The following VCL variants were observed in gnomAD, a reference collection of about 807,000 sequenced individuals.
VCL encodes epididymis luminal protein 114.
Under a neutral mutation model 125.7 loss-of-function variants are expected in VCL, and 47 were observed. That is an observed-to-expected ratio of 0.37 (90% CI 0.30 to 0.48). VCL has a LOEUF of 0.48. Among genes scored for constraint, VCL ranks in the 20% least tolerant of loss-of-function variants. The probability of loss-of-function intolerance (pLI) is 0.99; values close to 1 mark genes in which losing one functional copy is unlikely to be tolerated. For synonymous variants in VCL, 458 were observed against 514.6 expected (o/e 0.89, Z 1.49); for missense variants, 1,069 against 1,455.5 (o/e 0.73, Z 4.32).
At position 74,097,616 on chromosome 10, in the gene VCL, A is replaced by G. The variant is rs1014728799; in HGVS notation, c.1872+284A>G. 4.6e-5 allele frequency among the ~76,000 whole-genome samples: 7 copies of G among 152,180 alleles called. No homozygotes were observed. Among genetic ancestry groups the G allele is most frequent in the African/African-American group, 1.7e-4 (7 of 41,446 alleles). On this transcript the variant is annotated intron_variant, in intron 13 of 21. Transcript: ENST00000211998. The surrounding 1 kb of genome is among the most constrained non-coding windows in gnomAD (Gnocchi z 4.1). ...AAACATGGAAGTAGGTGGCTTTGGCATTGGTTCAGCAGCTAAATATCATGA... is the reference window on the plus strand; with the variant it reads ...AAACATGGAAGTAGGTGGCTTTGGCGTTGGTTCAGCAGCTAAATATCATGA...
chr10:74,044,175 C>A (rs551416979), intron 2 of VCL, among the ~76,000 whole-genome samples: 27 of 152,112 alleles, frequency 1.8e-4, no homozygotes, highest in African/African-American at 6.0e-4. Context: ...ATTTATATAT[C>A]TCCTAGTATT....
chr10:74,012,690 G>C (rs559115380), intron 1 of VCL, among the ~76,000 whole-genome samples: 9 of 152,258 alleles, frequency 5.9e-5, no homozygotes, highest in African/African-American at 2.2e-4. Context: ...CACCTAGTTA[G>C]GAAGAGACCT....
intron 6 of VCL, 95 bp from the exon 7 acceptor site, chr10:74,082,359 T>C: frequency 1.5e-6 from 2 of 1,318,530 alleles, no homozygotes; most frequent in South Asian, 1.2e-5. Flanking sequence ...ACCTTAGCTA[T>C]GTATGTTAAT....
chr10:74,018,587 G>A (rs1840604177), intron 1 of VCL, among the ~76,000 whole-genome samples: 1 of 152,256 alleles, frequency 6.6e-6, no homozygotes, highest in African/African-American at 2.4e-5. Flanking sequence ...AGATACAAGG[G>A]TGTGAATGTG....
chr10:74,050,449 C>T (rs1841279530), intron 2 of VCL, among the ~76,000 whole-genome samples: 1 of 152,286 alleles, frequency 6.6e-6, no homozygotes, highest in South Asian at 2.1e-4. Flanking sequence ...AATTTATATT[C>T]ATGCACAAAG....
chr10:74,002,020 A>C (rs1840234530), intron 1 of VCL, among the ~76,000 whole-genome samples: 1 of 152,198 alleles, frequency 6.6e-6, no homozygotes, highest in Admixed American at 6.5e-5. Flanking sequence ...TGAAATTTTC[A>C]ATTGTTGTAA....
intron 8 of VCL, among the ~76,000 whole-genome samples, chr10:74,086,367 G>C (rs1591698769): frequency 6.6e-6 from 1 of 152,228 alleles, no homozygotes; most frequent in African/African-American, 2.4e-5. Flanking sequence ...CTATGTTGAA[G>C]GGGAAAGAAA....
At chr10:74,068,766 ATTTACAT>A (rs1841615317) in intron 2 of VCL, among the ~76,000 whole-genome samples, 1 of 152,184 alleles carries the variant, frequency 6.6e-6, no homozygotes, top group Non-Finnish European at 1.5e-5. Flanking sequence ...TTATGAAGAC[ATTTACAT>A]ACAGAGGAAA....
chr10:74,006,885 T>A (rs1291606350), intron 1 of VCL, among the ~76,000 whole-genome samples: 1 of 152,228 alleles, frequency 6.6e-6, no homozygotes, highest in Non-Finnish European at 1.5e-5. Flanking sequence ...AGATAAGGGA[T>A]ATTTAACCTG....
chr10:74,101,203 T>C (rs1591710075), intron 14 of VCL, 106 bp downstream of exon 14: 38 of 1,469,586 alleles, frequency 2.6e-5, no homozygotes, highest in East Asian at 1.5e-4. Context: ...TAAAAAAACA[T>C]ATACAGGCCA....
chr10:74,091,229 G>T (rs1392920377), intron 10 of VCL, among the ~76,000 whole-genome samples: 5 of 152,256 alleles, frequency 3.3e-5, no homozygotes, highest in African/African-American at 1.2e-4. Flanking sequence ...GGACCTAATG[G>T]AAGTCCATAT....
chr10:74,082,409 C>G, intron 6 of VCL, 45 bp from the exon 7 acceptor site: 1 of 1,605,064 alleles, frequency 6.2e-7, no homozygotes, highest in Non-Finnish European at 8.5e-7. Flanking sequence ...ATCATGGTAT[C>G]TCAACTTTTG....
intron 1 of VCL, among the ~76,000 whole-genome samples, chr10:74,003,708 A>G (rs1840269867): frequency 6.6e-6 from 1 of 152,118 alleles, no homozygotes; most frequent in Non-Finnish European, 1.5e-5. Context: ...TAAATGGGAA[A>G]GACTGCTCTG....
In VCL at chr10:74,118,478, A is replaced by T. The variant is rs1840345395; in HGVS notation, c.*309A>T. 2.4e-6 allele frequency: 1 copy of T among 412,016 alleles called. No individual in the cohort carries two copies. The highest frequency in any genetic ancestry group is 3.5e-5 in the Admixed American group (1 of 28,240). 25.5% of individuals were successfully genotyped at this position (412,016 alleles called of 1,614,324 possible). On this transcript the variant is annotated 3_prime_UTR_variant, in exon 22 of 22. Transcript: ENST00000211998. ...TAAGCTCAGAATCCAAGTGAACACT[A>T]GCCAGACACTCTGCTCTGCCCTTGT... is the stretch of plus-strand genomic sequence containing the variant.
At chr10:74,104,160 C>T (rs1007456483) in intron 15 of VCL, among the ~76,000 whole-genome samples, 28 of 152,178 alleles carry the variant, frequency 1.8e-4, no homozygotes, top group Admixed American at 5.2e-4. Flanking sequence ...ATGCTGCCCT[C>T]CTGGCGTGAT....
intron 6 of VCL, among the ~76,000 whole-genome samples, chr10:74,077,945 A>G (rs1488218566): frequency 6.6e-6 from 1 of 152,182 alleles, no homozygotes; most frequent in Non-Finnish European, 1.5e-5. Flanking sequence ...ATCAACAATC[A>G]TTTTATAGTG....
intron 13 of VCL, among the ~76,000 whole-genome samples, chr10:74,099,750 A>C (rs1215736605): frequency 6.6e-6 from 1 of 152,208 alleles, no homozygotes; most frequent in Non-Finnish European, 1.5e-5. Flanking sequence ...CAGGAGATCC[A>C]GAGTGTGGGA....
chr10:74,112,208 G>T lies in VCL; in HGVS notation c.2949+96G>T. The T allele has an allele frequency of 2.7e-6, 4 of 1,507,356 alleles. No individual in the cohort carries two copies. The Admixed American group carries it at 5.2e-5, about 20-fold the overall frequency. The allele number at this position is 1,507,356 out of a possible 1,614,324, so 93.4% of individuals were successfully genotyped here. A position where few individuals can be genotyped will look rare whatever the true frequency, so the allele number is the denominator to read the frequency against. The stretch of plus-strand genomic sequence containing the variant: ...ATCACTCATGATCTGTGCTGGTCCT[G>T]TGAGTCTGAGCAGGGCGGGCATCTG... On this transcript the variant is annotated intron_variant, in intron 19 of 21. Transcript: ENST00000211998.
intron 1 of VCL, among the ~76,000 whole-genome samples, chr10:74,013,913 AT>A (rs1403843820): frequency 3.4e-5 from 5 of 149,048 alleles, no homozygotes; most frequent in African/African-American, 1.2e-4. Context: ...TAAAAAAAAA[AT>A]GTCTAAGCAT....
Sources: allele counts gnomAD v4.1 joint callset (sites outside exome capture counted in the v4.1 genomes callset), GRCh38; gene constraint gnomAD v4.1.1; non-coding constraint Gnocchi (gnomAD v3.1); transcripts MANE v1.5; gene names NCBI Gene and HGNC (gene_info 2026-07-23, HGNC 2026-07-21).